Variants in PCDH15 observed in about 807,000 individuals in gnomAD.
PCDH15 encodes the protein protocadherin-15.
Under a neutral mutation model 178.5 loss-of-function variants are expected in PCDH15, and 129 were observed. The ratio of observed to expected loss-of-function variants is 0.72; its 90% CI spans 0.63 to 0.84. The LOEUF is 0.84. Among genes scored for constraint, PCDH15 ranks in the 40% least tolerant of loss-of-function variants. The pLI is 0.00. For synonymous variants in PCDH15, 800 were observed against 732.0 expected (o/e 1.09, Z -1.50); for missense variants, 2,230 against 2,099.9 (o/e 1.06, Z -1.21).
At chr10:55,185,306 T>G (rs1839763277) in intron 1 of PCDH15, among the ~76,000 whole-genome samples, 1 of 151,824 alleles carries the variant, frequency 6.6e-6, no homozygotes, top group African/African-American at 2.4e-5. Flanking sequence ...TTAGAAATAT[T>G]TGAGGCTTTA....
intron 8 of PCDH15, among the ~76,000 whole-genome samples, chr10:54,270,253 A>T (rs976096978): frequency 3.9e-5 from 6 of 152,098 alleles, no homozygotes; most frequent in African/African-American, 1.4e-4. Context: ...ATGTCTTATC[A>T]TACATCCTAA....
At chr10:54,655,269 A>AGG (rs2094360068) in intron 2 of PCDH15, among the ~76,000 whole-genome samples, 2 of 107,200 alleles carry the variant, frequency 1.9e-5, no homozygotes, top group African/African-American at 8.0e-5. Context: ...AGAGAGAGAG[A>AGG]GAGAGAGAGA....
chr10:54,381,063 AG>A (rs1485288177), intron 3 of PCDH15, among the ~76,000 whole-genome samples: 1 of 151,768 alleles, frequency 6.6e-6, no homozygotes, highest in East Asian at 1.9e-4. Context: ...ATTGCCAAAA[AG>A]AAAAAAAAAA....
chr10:54,352,076 G>A (rs1944273363), intron 5 of PCDH15, among the ~76,000 whole-genome samples: 2 of 152,012 alleles, frequency 1.3e-5, no homozygotes, highest in Admixed American at 1.3e-4. Flanking sequence ...CATTGTGTTG[G>A]TAGATAACAA....
chr10:54,832,539 T>C (rs573801359), intron 3 of PCDH15, among the ~76,000 whole-genome samples: 4 of 152,308 alleles, frequency 2.6e-5, no homozygotes, highest in South Asian at 4.1e-4. Context: ...CCCACGTGCA[T>C]ACCATAGTGA....
chr10:55,526,318 G>A (rs1312492297), intron 2 of PCDH15, among the ~76,000 whole-genome samples: 1 of 151,842 alleles, frequency 6.6e-6, no homozygotes. Flanking sequence ...TATCCAATAC[G>A]TAGAAAACAG....
intron 5 of PCDH15, among the ~76,000 whole-genome samples, chr10:54,351,575 A>T (rs1407965934): frequency 2.0e-5 from 3 of 152,304 alleles, no homozygotes; most frequent in African/African-American, 7.2e-5. Context: ...ATTTTAATAT[A>T]CTAAATCCTC....
In PCDH15 at chr10:53,857,206, G is replaced by A. The variant is rs1442707063; in HGVS notation, c.3775C>T (p.Leu1259=). The A allele has an allele frequency of 6.2e-7, 1 of 1,609,980 alleles. No homozygotes were observed. Among genetic ancestry groups the A allele is most frequent in the African/African-American group, 1.3e-5 (1 of 74,686 alleles). ...QVIVSNVPPT[L]VEKKIEDLTE... is the part of the protein sequence containing the mutation. Reference sequence around the variant, plus strand: ...AGATCTTCTATCTTTTTTTCCACTAGAGTAGGAGGCACATTGGAAACAATG... The same window carrying A: ...AGATCTTCTATCTTTTTTTCCACTAAAGTAGGAGGCACATTGGAAACAATG... The change falls in exon 28 of 38, where the codon CTA becomes TTA. Residue 1259 remains leucine (L), a synonymous_variant. Coordinates refer to ENST00000644397, the MANE Select transcript of PCDH15 (RefSeq NM_001384140.1).
At position 53,822,328 on chromosome 10, in the gene PCDH15, C is replaced by T. The variant is rs111033463; in HGVS notation, c.4368-2098G>A. ...GGTGTTGGGGGACCAGACGTTGAAA[C>T]GGAAAGTGGAAAAAATGTAGGAGGA... On this transcript the variant is annotated intron_variant, in intron 32 of 37. Transcript: ENST00000644397. The T allele has an allele frequency of 9.5e-4, 1,512 of 1,597,250 alleles. 15 individuals carry two copies. The highest frequency in any genetic ancestry group is 6.9e-3 in the South Asian group (623 of 89,940).
At chr10:53,824,134 AG>A (rs1171571334) in intron 32 of PCDH15, among the ~76,000 whole-genome samples, 3 of 109,138 alleles carry the variant, frequency 2.7e-5, no homozygotes, top group Non-Finnish European at 5.5e-5. Context: ...CTTAACAAAA[AG>A]ATTGATGCTA....
intron 26 of PCDH15, among the ~76,000 whole-genome samples, chr10:53,888,304 A>ATATACATATATATG (rs1554845199): frequency 1.1e-5 from 1 of 88,976 alleles, no homozygotes; most frequent in African/African-American, 5.8e-5. Context: ...ATATATATAT[A>ATATACATATATATG]TATATGTATA....
At chr10:54,355,261 G>T (rs1944803482) in intron 5 of PCDH15, among the ~76,000 whole-genome samples, 1 of 151,414 alleles carries the variant, frequency 6.6e-6, no homozygotes, top group South Asian at 2.1e-4. Flanking sequence ...AAAATTATAG[G>T]CTTAGAAAGC....
At chr10:55,468,005 T>C (rs554598897) in intron 2 of PCDH15, among the ~76,000 whole-genome samples, 6 of 120,740 alleles carry the variant, frequency 5.0e-5, no homozygotes, top group African/African-American at 2.2e-4. Context: ...TTAAAACTGG[T>C]CTGCCAGGAC....
intron 2 of PCDH15, among the ~76,000 whole-genome samples, chr10:54,604,746 C>T (rs985119052): frequency 2.0e-5 from 3 of 151,814 alleles, no homozygotes; most frequent in African/African-American, 7.2e-5. Flanking sequence ...TTTAAAGTAA[C>T]TATTGATAGG....
chr10:54,939,884 T>C (rs544055937), intron 2 of PCDH15, among the ~76,000 whole-genome samples: 2 of 152,234 alleles, frequency 1.3e-5, no homozygotes, highest in South Asian at 2.1e-4. Flanking sequence ...ATCAGAGACC[T>C]CATGACCTAA....
At chr10:54,305,778 C>A (rs541945700) in intron 8 of PCDH15, among the ~76,000 whole-genome samples, 34 of 151,566 alleles carry the variant, frequency 2.2e-4, no homozygotes, top group Admixed American at 2.0e-3. Flanking sequence ...GAGGGAAAAT[C>A]TAAATAACTA....
intron 26 of PCDH15, among the ~76,000 whole-genome samples, chr10:53,891,080 C>A (rs1031566020): frequency 3.4e-5 from 3 of 88,052 alleles, no homozygotes; most frequent in Non-Finnish European, 5.0e-5. Flanking sequence ...TTTAAAAGCT[C>A]ATTTTCCTCA....
At chr10:54,804,953 AGTTTGC>A (rs1554800528), upstream of PCDH15, among the ~76,000 whole-genome samples, 4 of 139,996 alleles carry the variant, frequency 2.9e-5, no homozygotes, top group Non-Finnish European at 6.2e-5. Flanking sequence ...ATATATACAG[AGTTTGC>A]TACAGTGCAA....
intron 2 of PCDH15, among the ~76,000 whole-genome samples, chr10:54,541,732 T>C (rs1401505922): frequency 1.3e-5 from 2 of 152,236 alleles, no homozygotes; most frequent in Non-Finnish European, 2.9e-5. Context: ...AAGCAGCTTT[T>C]ATTTCCATCT....
Sources: gnomAD v4.1 joint callset for allele counts (sites outside exome capture counted in the v4.1 genomes callset) on GRCh38, gnomAD v4.1.1 for gene constraint, MANE v1.5 for transcripts, NCBI Gene and HGNC (gene_info 2026-07-23, HGNC 2026-07-21) for gene names.